The following RRP1B variants were observed in gnomAD, a reference collection of about 807,000 sequenced individuals.
The protein encoded by RRP1B is ribosomal RNA processing protein 1 homolog B.
RRP1B carries 56 observed loss-of-function variants against 80.2 expected under a neutral mutation model. That is an observed-to-expected ratio of 0.70 (90% CI 0.56 to 0.87). The LOEUF (loss-of-function observed/expected upper bound fraction) is 0.87. Among genes scored for constraint, RRP1B ranks in the 40% least tolerant of loss-of-function variants. RRP1B has a pLI of 0.00. For missense variants in RRP1B, 807 were observed against 939.8 expected, an observed-to-expected ratio of 0.86 and a Z score of 1.85; for synonymous variants, 351 against 357.6, an observed-to-expected ratio of 0.98 and a Z score of 0.21.
intron 4 of RRP1B, among the ~76,000 whole-genome samples, chr21:43,674,158 T>C (rs182320191): frequency 8.1e-4 from 123 of 152,286 alleles, no homozygotes; most frequent in African/African-American, 2.9e-3. Flanking sequence ...AGTGAATACG[T>C]TGGGTATTTT....
At chr21:43,689,684 A>G (rs2083078575) in intron 13 of RRP1B, among the ~76,000 whole-genome samples, 1 of 152,232 alleles carries the variant, frequency 6.6e-6, no homozygotes, top group Non-Finnish European at 1.5e-5. Flanking sequence ...TTCCCCTGCC[A>G]TCTGTCATGG....
chr21:43,667,015 A>G (rs890296227), intron 1 of RRP1B, among the ~76,000 whole-genome samples: 1 of 148,118 alleles, frequency 6.8e-6, no homozygotes, highest in Non-Finnish European at 1.5e-5. Flanking sequence ...ACTAATATTA[A>G]TAGTTAAGAT....
chr21:43,675,276 G>C (rs1271303870), intron 6 of RRP1B, 113 bp downstream of exon 6: 29 of 973,302 alleles, frequency 3.0e-5, no homozygotes, highest in Non-Finnish European at 4.5e-5. Flanking sequence ...CTGTAGCAGC[G>C]TGAATTGCTT....
chr21:43,690,266 T>C (rs2083081171), intron 13 of RRP1B, 22 bp from the exon 14 acceptor site: 1 of 1,613,280 alleles, frequency 6.2e-7, no homozygotes, highest in Non-Finnish European at 8.5e-7. Context: ...CCTCCTCCGC[T>C]TCTCACCCCT....
In RRP1B at chr21:43,690,411, G is replaced by A. The variant is rs143543167; in HGVS notation, c.1990G>A (p.Ala664Thr). ...CTTCAGAAGAGCCAAGAGCAGCACT[G>A]CCACCCACCCTCCAGGCCCTGCCGT... is the stretch of plus-strand genomic sequence containing the variant. Reference protein sequence around the residue: ...LFFRRAKSSTATHPPGPAVQL... With the variant: ...LFFRRAKSSTTTHPPGPAVQL... Residue 664 changes from alanine (A) to threonine (T), a missense_variant, in exon 14 of 16, where the codon GCC (alanine) becomes ACC (threonine). By Grantham distance (58) the Ala-to-Thr change is moderately conservative. Coordinates refer to ENST00000340648, the MANE Select transcript of RRP1B (RefSeq NM_015056.3). 4 of 1,614,152 alleles carry A rather than the reference G, an allele frequency of 2.5e-6. No homozygotes were observed. In the Admixed American group the frequency reaches 6.7e-5, roughly 27 times the overall value.
chr21:43,685,792 G>A lies in RRP1B; in HGVS notation c.1009+3G>A. The stretch of plus-strand genomic sequence containing the variant: ...TAGATTCCAAGACCTTTCTGAAGGT[G>A]AGGCGCGCCAAGAATCATCATTCAT... On this transcript the variant is annotated splice_donor_region_variant and intron_variant, in intron 11 of 15. Coordinates refer to ENST00000340648, the MANE Select transcript of RRP1B (RefSeq NM_015056.3). The A allele has an allele frequency of 6.3e-7, 1 of 1,586,646 alleles. No homozygotes were observed. Among genetic ancestry groups the A allele is most frequent in the Non-Finnish European group, 8.6e-7 (1 of 1,166,192 alleles).
At chr21:43,670,452 G>A (rs933714419) in intron 2 of RRP1B, among the ~76,000 whole-genome samples, 26 of 152,248 alleles carry the variant, frequency 1.7e-4, no homozygotes, top group African/African-American at 6.3e-4. Context: ...CAGCAGGCTC[G>A]GTCTCTCTGT....
chr21:43,662,461 G>C (rs73367886), intron 1 of RRP1B, among the ~76,000 whole-genome samples: 4,601 of 152,286 alleles, frequency 0.03, 233 homozygotes, highest in African/African-American at 0.1. Flanking sequence ...GCACAAGTTT[G>C]GAAATAACTT....
In RRP1B at chr21:43,669,915, C is replaced by G. The variant is rs1411929226; in HGVS notation, c.162C>G (p.Ile54Met). Reference sequence around the variant, plus strand: ...TCAGTCAGGAAGAACTTCTGAAAATCTGGAAGGGGCTCTTCTACTGCATGT... The same window carrying G: ...TCAGTCAGGAAGAACTTCTGAAAATGTGGAAGGGGCTCTTCTACTGCATGT... ...GGFSQEELLK[I>M]WKGLFYCMWV... Residue 54 changes from isoleucine (I) to methionine (M), a missense_variant, in exon 2 of 16, where the codon ATC (isoleucine) becomes ATG (methionine). Ile to Met is a conservative substitution (Grantham distance 10, BLOSUM62 1). Coordinates refer to ENST00000340648, the MANE Select transcript of RRP1B (RefSeq NM_015056.3). The G allele has an allele frequency of 1.2e-6, 2 of 1,613,034 alleles. No homozygotes were observed. Among genetic ancestry groups the G allele is most frequent in the Admixed American group, 1.7e-5 (1 of 59,976 alleles).
chr21:43,681,725 G>T (rs1156324644), intron 8 of RRP1B, among the ~76,000 whole-genome samples: 1 of 152,254 alleles, frequency 6.6e-6, no homozygotes, highest in Non-Finnish European at 1.5e-5. Context: ...CCTGAGGTGG[G>T]AGGATCACTT....
intron 10 of RRP1B, among the ~76,000 whole-genome samples, chr21:43,685,055 A>G (rs2083057852): frequency 6.6e-6 from 1 of 152,120 alleles, no homozygotes; most frequent in Admixed American, 6.5e-5. Flanking sequence ...TTCAGCTGTC[A>G]GTGTTGATGT....
At chr21:43,662,509 T>C (rs949736076) in intron 1 of RRP1B, among the ~76,000 whole-genome samples, 1 of 152,266 alleles carries the variant, frequency 6.6e-6, no homozygotes, top group African/African-American at 2.4e-5. Context: ...GCTCCAACTT[T>C]TCTGCATCTT....
chr21:43,670,566 C>G (rs2082995674), intron 2 of RRP1B, among the ~76,000 whole-genome samples: 1 of 152,384 alleles, frequency 6.6e-6, no homozygotes, highest in Non-Finnish European at 1.5e-5. Context: ...TAGATCCGAT[C>G]TGCCTCTGTA....
rs34380943 is a variant in RRP1B at position 43,691,637 on chromosome 21, ATTTTT to A, written c.2083+147_2083+151del. On this transcript the variant is annotated intron_variant, in intron 15 of 15. Transcript: ENST00000340648. This position sits in a 1 kb window ranked among gnomAD's most constrained non-coding sequence, Gnocchi z 4.2. ...CCTCACTGCCCATTTCTTTATTTTT[ATTTTT>A]TTTTTTTTTTTGAGACAGAGTCTCG... 6.6e-6 allele frequency: 3 copies of A among 454,172 alleles called. No individual in the cohort carries two copies. Among genetic ancestry groups the A allele is most frequent in the Non-Finnish European group, 7.8e-6 (2 of 256,124 alleles). 28.1% of individuals were successfully genotyped at this position (454,172 alleles called of 1,614,324 possible).
chr21:43,664,360 G>A (rs1186165344), intron 1 of RRP1B, among the ~76,000 whole-genome samples: 1 of 151,672 alleles, frequency 6.6e-6, no homozygotes, highest in Non-Finnish European at 1.5e-5. Context: ...AGAAAAAAGG[G>A]AACAAAATGT....
chr21:43,659,786 G>A lies in RRP1B; in HGVS notation c.122G>A (p.Arg41Lys). 1 of 1,508,410 alleles carries A rather than the reference G, an allele frequency of 6.6e-7. No individual in the cohort carries two copies. Among genetic ancestry groups the A allele is most frequent in the South Asian group, 1.3e-5 (1 of 79,948 alleles). The allele number at this position is 1,508,410 out of a possible 1,614,324, so 93.4% of individuals were successfully genotyped here. A position where few individuals can be genotyped will look rare whatever the true frequency, so the allele number is the denominator to read the frequency against. The part of the protein sequence containing the change: ...LRQYISVKTQ[R>K]ETGGFSQEEL... ...CAGTACATCAGCGTGAAGACGCAGA[G>A]GGAGACAGGTGGGCGCACGGCCGCG... The change falls in exon 1 of 16, where the codon AGG (arginine) becomes AAG (lysine). Residue 41 changes from arginine to lysine, a missense_variant. Arg to Lys is a conservative substitution (Grantham distance 26). Coordinates refer to ENST00000340648, the MANE Select transcript of RRP1B (RefSeq NM_015056.3). The surrounding 1 kb of genome is among the most constrained non-coding windows in gnomAD (Gnocchi z 4.2).
Position 43,691,838 on chromosome 21 carries a change from A to G in RRP1B, c.2083+336A>G, listed in dbSNP as rs1370320241. 1.3e-5 allele frequency among the ~76,000 whole-genome samples: 2 copies of G among 151,882 alleles called. No homozygotes were observed. Among genetic ancestry groups the G allele is most frequent in the African/African-American group, 2.4e-5 (1 of 41,338 alleles). ...ATTTTTGTATTTTTAGTAAAGATGGAGTTTCACCATGTCAGCCAGGCTGGT... is the reference window on the plus strand; with the variant it reads ...ATTTTTGTATTTTTAGTAAAGATGGGGTTTCACCATGTCAGCCAGGCTGGT... On this transcript the variant is annotated intron_variant, in intron 15 of 15. Transcript: ENST00000340648. This position sits in a 1 kb window ranked among gnomAD's most constrained non-coding sequence, Gnocchi z 4.2.
rs1048751001 is a variant in RRP1B, at chr21:43,659,946, T to TG, written c.130+153dup. The TG allele has an allele frequency of 9.1e-6, 8 of 874,730 alleles. No homozygotes were observed. In the African/African-American group the frequency reaches 1.3e-4, roughly 14 times the overall value. 54.2% of individuals were successfully genotyped at this position (874,730 alleles called of 1,614,324 possible). A position where few individuals can be genotyped will look rare whatever the true frequency, so the allele number is the denominator to read the frequency against. On this transcript the variant is annotated intron_variant, in intron 1 of 15. Coordinates refer to ENST00000340648, the MANE Select transcript of RRP1B (RefSeq NM_015056.3). The surrounding 1 kb of genome is among the most constrained non-coding windows in gnomAD (Gnocchi z 4.2). ...TTTCCGCGCTGCCGGAACCGCTTCTTGCTGTGTCTAGTGCCTTTTTACACT... is the reference window on the plus strand; with the variant it reads ...TTTCCGCGCTGCCGGAACCGCTTCTTGGCTGTGTCTAGTGCCTTTTTACACT...
At chr21:43,674,722 T>A (rs1001486038) in intron 5 of RRP1B, 25 bp downstream of exon 5, 1 of 1,581,978 alleles carries the variant, frequency 6.3e-7, no homozygotes, top group African/African-American at 1.4e-5. Flanking sequence ...TGAGTTAGCA[T>A]GTGGTAGCCT....
Sources: gnomAD v4.1 joint callset for allele counts (sites outside exome capture counted in the v4.1 genomes callset) on GRCh38, gnomAD v4.1.1 for gene constraint, Gnocchi (gnomAD v3.1) non-coding constraint, MANE v1.5 for transcripts, NCBI Gene and HGNC (gene_info 2026-07-23, HGNC 2026-07-21) for gene names.